The following RUBCN variants were observed in gnomAD, a reference collection of about 807,000 sequenced individuals.
The protein encoded by RUBCN is rubicon autophagy regulator.
A neutral mutation model predicts 113.2 loss-of-function variants in RUBCN; 74 were observed. The ratio of observed to expected loss-of-function variants is 0.65; its 90% CI spans 0.54 to 0.79. The LOEUF is 0.79. RUBCN is among the 30% of genes least tolerant of loss of function. The pLI is 0.00. For missense variants in RUBCN, 1,109 were observed against 1,251.7 expected (o/e 0.89, Z 1.72); for synonymous variants, 480 against 490.0 (o/e 0.98, Z 0.27).
In RUBCN at chr3:197,678,800, A is replaced by G. The variant is rs1042790020; in HGVS notation, c.2431-1259T>C. Among the ~76,000 whole-genome samples the G allele has an allele frequency of 3.0e-4, 43 of 145,154 alleles. 1 individual carries two copies. The South Asian group carries it at 5.6e-3, about 19-fold the overall frequency. On this transcript the variant is annotated intron_variant, in intron 16 of 19. Transcript: ENST00000296343. ...CTAACAACTGGCTTCAGACTGTCCT[A>G]CGCTCTGACAACTGGCTCCAGACTG... is the stretch of plus-strand genomic sequence containing the variant.
intron 1 of RUBCN, among the ~76,000 whole-genome samples, chr3:197,734,787 GA>G (rs1453601452): frequency 6.6e-6 from 1 of 152,150 alleles, no homozygotes; most frequent in Non-Finnish European, 1.5e-5. Context: ...ACATCTGCAG[GA>G]AGAATAAATA....
chr3:197,679,783 C>G (rs1428145444), intron 16 of RUBCN, among the ~76,000 whole-genome samples: 2 of 150,318 alleles, frequency 1.3e-5, no homozygotes, highest in Non-Finnish European at 3.0e-5. Context: ...TGGCTTCAGA[C>G]TGTCCTACGC....
intron 18 of RUBCN, chr3:197,676,627 G>C (rs1453930289): frequency 2.2e-6 from 3 of 1,357,612 alleles, no homozygotes; most frequent in South Asian, 1.5e-5. Context: ...CTTCTTGAGT[G>C]AAAGTCTACT....
rs754905717 is a variant in RUBCN, at chr3:197,701,690, T to A, written c.727+18A>T. 1.3e-4 allele frequency: 207 copies of A among 1,612,234 alleles called. No individual in the cohort carries two copies. The highest frequency in any genetic ancestry group is 1.7e-4 in the Non-Finnish European group (199 of 1,178,388). ...GGCTGGGGATAAATGTAATGACCAC[T>A]TTTTCCTGTCCCCATACCTGAGCCA... On this transcript the variant is annotated intron_variant, in intron 6 of 19. Transcript: ENST00000296343.
chr3:197,681,027 A>T lies in RUBCN; in HGVS notation c.2430+102T>A, dbSNP rs1176380667. 1 of 600,168 alleles carries T rather than the reference A, an allele frequency of 1.7e-6. No individual in the cohort carries two copies. The highest frequency in any genetic ancestry group is 3.0e-6 in the Non-Finnish European group (1 of 335,028). The allele number at this position is 600,168 out of a possible 1,614,324, so 37.2% of individuals were successfully genotyped here. Reference sequence around the variant, plus strand: ...CGAGGGGAGGGGATGGGGGGAGGGGACAAGAGGAGGGGATGGGGGGAGGGG... The same window carrying T: ...CGAGGGGAGGGGATGGGGGGAGGGGTCAAGAGGAGGGGATGGGGGGAGGGG... On this transcript the variant is annotated intron_variant, in intron 16 of 19. Transcript: ENST00000296343. The surrounding 1 kb of genome is among the most constrained non-coding windows in gnomAD (Gnocchi z 5.5).
rs774986104 is a variant in RUBCN, at chr3:197,684,211, T to A, written c.1793A>T (p.Asp598Val). 1 of 1,613,474 alleles carries A rather than the reference T, an allele frequency of 6.2e-7. No individual in the cohort carries two copies. Among genetic ancestry groups the A allele is most frequent in the East Asian group, 2.2e-5 (1 of 44,870 alleles). The change falls in exon 12 of 20, where the codon GAC becomes GTC. Residue 598 changes from aspartate to valine, a missense_variant. Asp to Val is a radical substitution (Grantham distance 152). Around this residue, in one of 3 missense-constraint regions of RUBCN, gnomAD observed 736 missense variants for 779.6 expected, o/e 0.94. Coordinates refer to ENST00000296343, the MANE Select transcript of RUBCN (RefSeq NM_014687.4). ...EVDEFEIQDA[D>V]IRRNTASSSK... ...GCTTGAGGCTGTGTTCCTTCTGATG[T>A]CAGCATCTACATGGAAACCAGAGAT...
rs181997402 is a variant in RUBCN at position 197,745,835 on chromosome 3, G to A, written c.-116+3434C>T. ...GTGGATCACCTGAGGTCAGGAGTTC[G>A]AGACCAGCCTGGCCAACATAGTGAA... On this transcript the variant is annotated intron_variant, in intron 1 of 20. Coordinates refer to the RUBCN transcript ENST00000273582. Among the ~76,000 whole-genome samples, 7 of 152,198 alleles carry A rather than the reference G, an allele frequency of 4.6e-5. No individual in the cohort carries two copies. The East Asian group carries it at 1.2e-3, about 25-fold the overall frequency.
Position 197,694,431 on chromosome 3 carries a change from C to T in RUBCN, c.1628G>A (p.Arg543His), listed in dbSNP as rs1349256471. 6.8e-6 allele frequency: 11 copies of T among 1,614,054 alleles called. No homozygotes were observed. The African/African-American group carries it at 8.0e-5, about 12-fold the overall frequency. ...QELKQKIRLR[R>H]QQIRTKNLLP... ...CAGGTTCTTGGTGCGGATTTGCTGG[C>T]GCCGAAGGCGGATCTTCTGCTTCAG... Residue 543 changes from arginine (R) to histidine (H), a missense_variant, in exon 10 of 20, where the codon CGC (arginine) becomes CAC (histidine). By Grantham distance (29) the Arg-to-His change is conservative. Transcript: ENST00000296343.
Position 197,681,679 on chromosome 3 carries a change from T to C in RUBCN, c.2191+156A>G, listed in dbSNP as rs1035689646. Among the ~76,000 whole-genome samples the C allele has an allele frequency of 1.3e-5, 2 of 152,194 alleles. No individual in the cohort carries two copies. Among genetic ancestry groups the C allele is most frequent in the African/African-American group, 4.8e-5 (2 of 41,444 alleles). On this transcript the variant is annotated intron_variant, in intron 15 of 19. Coordinates refer to ENST00000296343, the MANE Select transcript of RUBCN (RefSeq NM_014687.4). This position sits in a 1 kb window ranked among gnomAD's most constrained non-coding sequence, Gnocchi z 5.5. ...GCTCCCAGAAATCATTTCCCTCCGA[T>C]TGCCAGCACTCTTGCCTACTACGAA...
intron 11 of RUBCN, 115 bp downstream of exon 11, chr3:197,693,600 A>C: frequency 1.3e-6 from 1 of 770,766 alleles, no homozygotes; most frequent in Non-Finnish European, 2.3e-6. Flanking sequence ...CCCTTACAAT[A>C]GCTAACAACA....
intron 1 of RUBCN, chr3:197,749,227 T>A: frequency 1.0e-6 from 1 of 1,004,906 alleles, no homozygotes; most frequent in African/African-American, 1.7e-5. Context: ...CCAATGCAAA[T>A]GAATTAGAAG....
At chr3:197,734,793 TAAATAGTC>T (rs1423291363) in intron 1 of RUBCN, among the ~76,000 whole-genome samples, 1 of 152,094 alleles carries the variant, frequency 6.6e-6, no homozygotes, top group African/African-American at 2.4e-5. Context: ...GCAGGAAGAA[TAAATAGTC>T]AAATAGGCAA....
At chr3:197,709,326 C>A (rs918415554) in intron 2 of RUBCN, among the ~76,000 whole-genome samples, 1 of 151,962 alleles carries the variant, frequency 6.6e-6, no homozygotes, top group South Asian at 2.1e-4. Flanking sequence ...ACCACCACCA[C>A]CAACAGATGC....
rs1033685784 is a variant in RUBCN, at chr3:197,684,226, A to C, written c.1787-9T>G. Reference sequence around the variant, plus strand: ...CCTTCTGATGTCAGCATCTACATGGAAACCAGAGATAAGGGGAGCGCAATG... The same window carrying C: ...CCTTCTGATGTCAGCATCTACATGGCAACCAGAGATAAGGGGAGCGCAATG... On this transcript the variant is annotated splice_polypyrimidine_tract_variant and intron_variant, in intron 11 of 19. Coordinates refer to ENST00000296343, the MANE Select transcript of RUBCN (RefSeq NM_014687.4). The C allele has an allele frequency of 1.4e-5, 22 of 1,612,574 alleles. No homozygotes were observed. Among genetic ancestry groups the C allele is most frequent in the Non-Finnish European group, 1.9e-5 (22 of 1,178,698 alleles).
At chr3:197,732,375 G>A (rs894586574) in intron 1 of RUBCN, among the ~76,000 whole-genome samples, 3 of 152,192 alleles carry the variant, frequency 2.0e-5, no homozygotes, top group Admixed American at 6.5e-5. Flanking sequence ...GTGCAGTGGC[G>A]TGATCTCGGC....
At chr3:197,697,129 C>T (rs2108892203) in intron 7 of RUBCN, 80 bp from the exon 8 acceptor site, 2 of 761,396 alleles carry the variant, frequency 2.6e-6, no homozygotes, top group Non-Finnish European at 4.8e-6. Context: ...AGTTTCAACA[C>T]TTAACTGCAC....
chr3:197,716,523 T>C (rs1369238315), intron 2 of RUBCN, among the ~76,000 whole-genome samples: 1 of 152,158 alleles, frequency 6.6e-6, no homozygotes, highest in Non-Finnish European at 1.5e-5. Flanking sequence ...TACCTACTTC[T>C]GAAAAAAACC....
intron 7 of RUBCN, chr3:197,699,324 A>C: frequency 1.1e-6 from 1 of 909,966 alleles, no homozygotes; most frequent in Admixed American, 2.1e-5. Context: ...TACCCAGCAG[A>C]AGTGGGGATG....
rs981923406 is a variant in RUBCN at position 197,700,964 on chromosome 3, C to T, written c.910G>A (p.Glu304Lys). The T allele has an allele frequency of 1.9e-6, 3 of 1,614,074 alleles. No homozygotes were observed. The African/African-American group carries it at 4.0e-5, about 22-fold the overall frequency. The part of the protein sequence containing the change: ...MSSSTLTSPI[E>K]ASWVSSQNDS... Reference sequence around the variant, plus strand: ...TTCTGGCTGCTGACCCAGGATGCCTCTATGGGGCTGGTCAGAGTACTGGAG... The same window carrying T: ...TTCTGGCTGCTGACCCAGGATGCCTTTATGGGGCTGGTCAGAGTACTGGAG... Residue 304 changes from glutamate to lysine, a missense_variant, in exon 7 of 20, where the codon GAG (glutamate) becomes AAG (lysine). Physicochemically the swap from Glu to Lys is moderately conservative, Grantham distance 56. This residue lies in a region of RUBCN where 736 missense variants were observed against 779.6 expected (regional missense o/e 0.94). Transcript: ENST00000296343.
Sources: gnomAD v4.1 joint callset for allele counts (sites outside exome capture counted in the v4.1 genomes callset) on GRCh38, gnomAD v4.1.1 for gene constraint, gnomAD v4.1.1 regional missense constraint, Gnocchi (gnomAD v3.1) non-coding constraint, MANE v1.5 for transcripts, NCBI Gene and HGNC (gene_info 2026-07-23, HGNC 2026-07-21) for gene names.